NPR3: variants seen among roughly 807,000 people sequenced by gnomAD.
NPR3 encodes natriuretic peptide receptor 3.
A neutral mutation model predicts 54.5 loss-of-function variants in NPR3; 34 were observed. The ratio of observed to expected loss-of-function variants is 0.62; its 90% CI spans 0.47 to 0.83. The LOEUF is 0.83. NPR3 is among the 40% of genes least tolerant of loss of function. The pLI is 0.00. For synonymous variants in NPR3, 289 were observed against 297.1 expected (o/e 0.97, Z 0.28); for missense variants, 674 against 720.8 (o/e 0.94, Z 0.74).
chr5:32,692,590 G>GT (rs1288757203), intron 1 of NPR3, among the ~76,000 whole-genome samples: 1 of 152,142 alleles, frequency 6.6e-6, no homozygotes, highest in Non-Finnish European at 1.5e-5. Context: ...TTTTCCTGAT[G>GT]TTTTTCTTAT....
intron 3 of NPR3, among the ~76,000 whole-genome samples, chr5:32,758,747 A>G (rs1389763348): frequency 6.6e-6 from 1 of 152,192 alleles, no homozygotes; most frequent in Non-Finnish European, 1.5e-5. Flanking sequence ...TTTCAGTGCT[A>G]TAAATTTCCC....
chr5:32,694,415 G>A (rs193056889), intron 1 of NPR3, among the ~76,000 whole-genome samples: 131 of 152,186 alleles, frequency 8.6e-4, no homozygotes, highest in African/African-American at 3.1e-3. Flanking sequence ...TTTTTACCAG[G>A]CATTGAAGGG....
chr5:32,712,037 G>A lies in NPR3; in HGVS notation c.261G>A (p.Gly87=). ...EYALRSVEGN[G]TGRRLLPPGT... ...CTCTGCGCAGCGTGGAGGGCAACGG[G>A]ACTGGGAGGCGGCTTCTGCCGCCGG... Residue 87 remains glycine (G), a synonymous_variant, in exon 1 of 8, where the codon GGG becomes GGA. Coordinates refer to ENST00000265074, the MANE Select transcript of NPR3 (RefSeq NM_001204375.2). 6.2e-7 allele frequency: 1 copy of A among 1,613,840 alleles called. No individual in the cohort carries two copies. The highest frequency in any genetic ancestry group is 8.5e-7 in the Non-Finnish European group (1 of 1,179,804).
intron 1 of NPR3, among the ~76,000 whole-genome samples, chr5:32,717,021 A>G (rs1431175790): frequency 1.7e-5 from 1 of 57,980 alleles, no homozygotes; most frequent in African/African-American, 7.6e-5. Flanking sequence ...ACCCCCTGAC[A>G]GGCCCCGGTG....
At chr5:32,735,763 C>T (rs545438564) in intron 2 of NPR3, among the ~76,000 whole-genome samples, 21 of 152,202 alleles carry the variant, frequency 1.4e-4, no homozygotes, top group Non-Finnish European at 2.4e-4. Context: ...GCCAAGCCGA[C>T]CTCTGCTTTC....
intron 2 of NPR3, among the ~76,000 whole-genome samples, chr5:32,730,858 A>C (rs557434719): frequency 1.3e-5 from 2 of 152,350 alleles, no homozygotes; most frequent in South Asian, 2.1e-4. Flanking sequence ...TTGTTCATGA[A>C]TTGGAAGACT....
At chr5:32,739,519 T>C (rs1259673639) in intron 3 of NPR3, among the ~76,000 whole-genome samples, 1 of 152,192 alleles carries the variant, frequency 6.6e-6, no homozygotes, top group Non-Finnish European at 1.5e-5. Context: ...GTGGATGGTG[T>C]TGTTGCCTCT....
At chr5:32,726,335 A>G (rs1422142992) in intron 2 of NPR3, among the ~76,000 whole-genome samples, 1 of 152,208 alleles carries the variant, frequency 6.6e-6, no homozygotes, top group Non-Finnish European at 1.5e-5. Context: ...TTGATGAAAC[A>G]AAAGTAGCCA....
chr5:32,703,693 T>C (rs1737894346), intron 1 of NPR3, among the ~76,000 whole-genome samples: 2 of 152,190 alleles, frequency 1.3e-5, no homozygotes, highest in African/African-American at 4.8e-5. Flanking sequence ...CTCCTTTTGG[T>C]GGCCTATCCT....
intron 2 of NPR3, among the ~76,000 whole-genome samples, chr5:32,738,611 G>T (rs1241812696): frequency 6.6e-6 from 1 of 152,136 alleles, no homozygotes; most frequent in Admixed American, 6.5e-5. Flanking sequence ...CAGTTACATG[G>T]TTATTACAAG....
upstream of NPR3, among the ~76,000 whole-genome samples, chr5:32,708,909 G>T (rs908778376): frequency 1.3e-5 from 2 of 150,438 alleles, no homozygotes; most frequent in Non-Finnish European, 2.9e-5. Flanking sequence ...GCATAACACT[G>T]GCTTTTTTTT....
rs1168980207 is a variant in NPR3 at position 32,738,919 on chromosome 5, C to G, written c.948C>G (p.Tyr316Ter). 6.2e-7 allele frequency: 1 copy of G among 1,613,888 alleles called. No homozygotes were observed. Among genetic ancestry groups the G allele is most frequent in the South Asian group, 1.1e-5 (1 of 91,072 alleles). The change falls in exon 3 of 8, where the codon TAC becomes TAG. Residue 316 changes from tyrosine (Y) to a stop codon, truncating the protein, a stop_gained. Coordinates refer to ENST00000265074, the MANE Select transcript of NPR3 (RefSeq NM_001204375.2). LOFTEE classifies it high-confidence loss of function. Reference protein sequence around the residue: ...DKHDFEAKQAYSSLQTVTLLR... With the variant: ...DKHDFEAKQA The stretch of plus-strand genomic sequence containing the variant: ...ACGACTTTGAAGCTAAGCAAGCATA[C>G]TCGTCCCTCCAGACAGTCACTCTAC...
chr5:32,727,627 G>A, intron 2 of NPR3, among the ~76,000 whole-genome samples: 1 of 152,014 alleles, frequency 6.6e-6, no homozygotes, highest in African/African-American at 2.4e-5. Flanking sequence ...TTTGTTCTTA[G>A]TATTTTATGT....
rs1426135129 is a variant in NPR3, at chr5:32,739,046, T to C, written c.1059+16T>C. 2 of 1,612,756 alleles carry C rather than the reference T, an allele frequency of 1.2e-6. No individual in the cohort carries two copies. Among genetic ancestry groups the C allele is most frequent in the East Asian group, 2.2e-5 (1 of 44,870 alleles). Reference sequence around the variant, plus strand: ...GGAGGATTACGTAAGTGCCTGATTATGAGCCTAGACCTTTAGCATCCTGAA... The same window carrying C: ...GGAGGATTACGTAAGTGCCTGATTACGAGCCTAGACCTTTAGCATCCTGAA... On this transcript the variant is annotated intron_variant, in intron 3 of 7. Transcript: ENST00000265074.
chr5:32,763,337 G>A (rs1465757115), intron 3 of NPR3, among the ~76,000 whole-genome samples: 1 of 152,010 alleles, frequency 6.6e-6, no homozygotes, highest in Non-Finnish European at 1.5e-5. Flanking sequence ...TTTTGAGACA[G>A]AATCTTGCTC....
intron 1 of NPR3, among the ~76,000 whole-genome samples, chr5:32,718,164 G>T (rs1011811890): frequency 6.6e-6 from 1 of 152,042 alleles, no homozygotes; most frequent in Non-Finnish European, 1.5e-5. Context: ...GTGTGGCATT[G>T]TTTCTGAGGC....
Position 32,739,024 on chromosome 5 carries a change from G to T in NPR3, c.1053G>T (p.Glu351Asp). ...SSVEKQGLNM[E>D]DYVNMFVEGF... ...TTGAGAAACAAGGGCTCAATATGGA[G>T]GATTACGTAAGTGCCTGATTATGAG... Residue 351 changes from glutamate to aspartate, a missense_variant, in exon 3 of 8, where the codon GAG (glutamate) becomes GAT (aspartate). Coordinates refer to ENST00000265074, the MANE Select transcript of NPR3 (RefSeq NM_001204375.2). 1 of 1,613,594 alleles carries T rather than the reference G, an allele frequency of 6.2e-7. No individual in the cohort carries two copies. Among genetic ancestry groups the T allele is most frequent in the Non-Finnish European group, 8.5e-7 (1 of 1,179,744 alleles).
intron 3 of NPR3, among the ~76,000 whole-genome samples, chr5:32,759,940 C>G (rs1182284333): frequency 2.6e-5 from 4 of 152,102 alleles, no homozygotes; most frequent in Non-Finnish European, 5.9e-5. Context: ...GGCCCCCACT[C>G]TCTTCTGGCT....
intron 1 of NPR3, among the ~76,000 whole-genome samples, chr5:32,721,354 CTACTAACATT>C (rs1316170499): frequency 2.0e-5 from 3 of 152,190 alleles, no homozygotes; most frequent in Non-Finnish European, 2.9e-5. Context: ...GTCTAAGTGG[CTACTAACATT>C]TACAGAAAGA....
Sources: gnomAD v4.1 joint callset for allele counts (sites outside exome capture counted in the v4.1 genomes callset) on GRCh38, gnomAD v4.1.1 for gene constraint, MANE v1.5 for transcripts, NCBI Gene and HGNC (gene_info 2026-07-23, HGNC 2026-07-21) for gene names.